Variants in AKR1D1 observed in about 807,000 individuals in gnomAD.
AKR1D1 encodes delta(4)-3-ketosteroid 5-beta-reductase.
AKR1D1 carries 32 observed loss-of-function variants against 42.6 expected under a neutral mutation model. That is an observed-to-expected ratio of 0.75 (90% CI 0.57 to 1.01). The LOEUF (loss-of-function observed/expected upper bound fraction) is 1.01. Ranked by LOEUF, AKR1D1 falls within the 50% of genes least tolerant of loss-of-function variation. The pLI is 0.00. For missense variants in AKR1D1, 364 were observed against 402.2 expected, an observed-to-expected ratio of 0.91 and a Z score of 0.81; for synonymous variants, 123 against 135.5, an observed-to-expected ratio of 0.91 and a Z score of 0.64.
intron 8 of AKR1D1, among the ~76,000 whole-genome samples, chr7:138,115,369 G>C (rs755906613): frequency 1.3e-5 from 2 of 152,168 alleles, no homozygotes; most frequent in Non-Finnish European, 2.9e-5. Context: ...TTGGACCCCA[G>C]ACTTTGAGTG....
intron 1 of AKR1D1, among the ~76,000 whole-genome samples, chr7:138,085,446 C>CTTT (rs67935838): frequency 2.1e-4 from 27 of 129,800 alleles, no homozygotes; most frequent in African/African-American, 3.5e-4. Context: ...CTTTTCTTTC[C>CTTT]TTTTTTTTTT....
Position 138,116,898 on chromosome 7 carries a change from T to A in AKR1D1, c.*236T>A. 1 of 512,864 alleles carries A rather than the reference T, an allele frequency of 1.9e-6. No individual in the cohort carries two copies. The highest frequency in any genetic ancestry group is 3.0e-5 in the South Asian group (1 of 32,994). 31.8% of individuals were successfully genotyped at this position (512,864 alleles called of 1,614,324 possible). ...GAAATTATCAACTAATTTTTTCAGA[T>A]CAGTATCTTCTAGATTCCAGACAGA... On this transcript the variant is annotated 3_prime_UTR_variant, in exon 9 of 9. Coordinates refer to ENST00000242375, the MANE Select transcript of AKR1D1 (RefSeq NM_005989.4).
At chr7:138,090,071 T>C (rs1213296967) in intron 2 of AKR1D1, among the ~76,000 whole-genome samples, 1 of 152,174 alleles carries the variant, frequency 6.6e-6, no homozygotes. Context: ...GTATGTTTGT[T>C]GAATAAAAGT....
At chr7:138,103,756 G>A (rs1794363238) in intron 4 of AKR1D1, among the ~76,000 whole-genome samples, 2 of 152,074 alleles carry the variant, frequency 1.3e-5, no homozygotes, top group South Asian at 4.1e-4. Flanking sequence ...GAAGATGAAA[G>A]ATTGAATTTA....
chr7:138,082,036 C>G (rs1803069776), intron 1 of AKR1D1, among the ~76,000 whole-genome samples: 1 of 152,198 alleles, frequency 6.6e-6, no homozygotes, highest in Admixed American at 6.5e-5. Flanking sequence ...CAGGTAGATC[C>G]TGCCTGGAGC....
intron 3 of AKR1D1, among the ~76,000 whole-genome samples, chr7:138,097,414 A>T (rs1794204693): frequency 6.6e-6 from 1 of 152,266 alleles, no homozygotes; most frequent in East Asian, 1.9e-4. Context: ...ACAGAGAGCA[A>T]CTTAGGCTAA....
chr7:138,108,234 G>T (rs1794471721), intron 7 of AKR1D1, among the ~76,000 whole-genome samples: 1 of 152,102 alleles, frequency 6.6e-6, no homozygotes, highest in South Asian at 2.1e-4. Flanking sequence ...GAAAGAACTA[G>T]ACAAAGGGGT....
At chr7:138,110,511 G>C (rs549808006) in intron 7 of AKR1D1, among the ~76,000 whole-genome samples, 1 of 152,158 alleles carries the variant, frequency 6.6e-6, no homozygotes, top group Non-Finnish European at 1.5e-5. Context: ...CCAGCACCTT[G>C]GGAGGCTGAG....
intron 4 of AKR1D1, among the ~76,000 whole-genome samples, chr7:138,099,289 C>T (rs941965403): frequency 1.3e-5 from 2 of 152,058 alleles, no homozygotes; most frequent in African/African-American, 4.8e-5. Context: ...CCAGTATCCC[C>T]AGGAAAAAAT....
At position 138,117,700 on chromosome 7, in the gene AKR1D1, T is replaced by C. The variant is rs980379123; in HGVS notation, c.*1038T>C. The C allele has an allele frequency of 1.3e-5, 2 of 152,244 alleles. No individual in the cohort carries two copies. The highest frequency in any genetic ancestry group is 4.8e-5 in the African/African-American group (2 of 41,464). The allele number at this position is 152,244 out of a possible 1,614,324, so 9.4% of individuals were successfully genotyped here. A position where few individuals can be genotyped will look rare whatever the true frequency, so the allele number is the denominator to read the frequency against. ...TTATTAGAATTCAGCAATAGAGATA[T>C]ATCTATTTTCAATTCAACTACAGAA... On this transcript the variant is annotated 3_prime_UTR_variant, in exon 9 of 9. Coordinates refer to ENST00000242375, the MANE Select transcript of AKR1D1 (RefSeq NM_005989.4).
chr7:138,093,066 A>G (rs1419208674), intron 3 of AKR1D1, among the ~76,000 whole-genome samples: 1 of 151,124 alleles, frequency 6.6e-6, no homozygotes, highest in Admixed American at 6.6e-5. Flanking sequence ...CACTAATACT[A>G]ATTACTTTTT....
rs183582473 is a variant in AKR1D1 at position 138,081,569 on chromosome 7, C to T, written c.93+4958C>T. Among the ~76,000 whole-genome samples the T allele has an allele frequency of 4.4e-3, 500 of 114,938 alleles. 3 individuals carry two copies. Among genetic ancestry groups the T allele is most frequent in the African/African-American group, 0.016 (465 of 29,306 alleles). The allele number at this position is 114,938 out of a possible 152,430, so 75.4% of individuals were successfully genotyped here. Reference sequence around the variant, plus strand: ...AGACAGACTTTCGCTCTTGTTGCCCCGGCTGGAGTGCAATGGCACGATCGA... The same window carrying T: ...AGACAGACTTTCGCTCTTGTTGCCCTGGCTGGAGTGCAATGGCACGATCGA... On this transcript the variant is annotated intron_variant, in intron 1 of 8. Transcript: ENST00000242375.
chr7:138,101,228 C>T (rs1392520459), intron 4 of AKR1D1, among the ~76,000 whole-genome samples: 3 of 126,976 alleles, frequency 2.4e-5, no homozygotes, highest in Non-Finnish European at 4.8e-5. Flanking sequence ...TTCCACGAGT[C>T]TCGCTCTGTA....
At chr7:138,082,809 G>A (rs1803085728) in intron 1 of AKR1D1, among the ~76,000 whole-genome samples, 1 of 152,128 alleles carries the variant, frequency 6.6e-6, no homozygotes, top group South Asian at 2.1e-4. Flanking sequence ...ATGTTCTCCA[G>A]GTTCATCCAT....
At chr7:138,116,585 G>T (rs1347273287) in intron 8 of AKR1D1, 35 bp from the exon 9 acceptor site, 1 of 1,614,092 alleles carries the variant, frequency 6.2e-7, no homozygotes, top group Non-Finnish European at 8.5e-7. Flanking sequence ...CAATTTTTGA[G>T]TGAACTTTTT....
rs145376135 is a variant in AKR1D1, at chr7:138,112,974, A to G, written c.856-716A>G. ...AAAAAATGAGAGAAAGGATTTCAAC[A>G]TAGCAAATTAAAAGTTAAAAACAAA... On this transcript the variant is annotated intron_variant, in intron 7 of 8. Coordinates refer to ENST00000242375, the MANE Select transcript of AKR1D1 (RefSeq NM_005989.4). Among the ~76,000 whole-genome samples, 19 of 152,306 alleles carry G rather than the reference A, an allele frequency of 1.2e-4. No individual in the cohort carries two copies. The East Asian group carries it at 3.7e-3, about 29-fold the overall frequency.
chr7:138,110,091 T>G (rs1794509274), intron 7 of AKR1D1, among the ~76,000 whole-genome samples: 1 of 152,130 alleles, frequency 6.6e-6, no homozygotes, highest in African/African-American at 2.4e-5. Flanking sequence ...ATTCTCACTC[T>G]TTAGGGAATA....
At chr7:138,116,589 A>C in intron 8 of AKR1D1, 31 bp from the exon 9 acceptor site, 1 of 1,614,106 alleles carries the variant, frequency 6.2e-7, no homozygotes, top group Non-Finnish European at 8.5e-7. Context: ...TTTTGAGTGA[A>C]CTTTTTTCTG....
chr7:138,106,838 TATATGAATTAGA>T, intron 6 of AKR1D1, 121 bp downstream of exon 6: 1 of 761,894 alleles, frequency 1.3e-6, no homozygotes, highest in Non-Finnish European at 2.3e-6. Flanking sequence ...ATTATCTGTA[TATATGAATTAGA>T]ACTTTTCATA....
Sources: gnomAD v4.1 joint callset for allele counts (sites outside exome capture counted in the v4.1 genomes callset) on GRCh38, gnomAD v4.1.1 for gene constraint, MANE v1.5 for transcripts, NCBI Gene and HGNC (gene_info 2026-07-23, HGNC 2026-07-21) for gene names.